MOV10L1: variants seen among roughly 807,000 people sequenced by gnomAD.
MOV10L1 encodes RNA helicase Mov10l1.
A neutral mutation model predicts 143.8 loss-of-function variants in MOV10L1; 110 were observed. The observed-to-expected ratio is 0.76, with a 90% CI of 0.66 to 0.90. The LOEUF (loss-of-function observed/expected upper bound fraction) is 0.90. Among genes scored for constraint, MOV10L1 ranks in the 40% least tolerant of loss-of-function variants. The pLI is 0.00. For missense variants in MOV10L1, 1,406 were observed against 1,526.8 expected (o/e 0.92, Z 1.32); for synonymous variants, 593 against 581.1 (o/e 1.02, Z -0.29).
Position 50,131,174 on chromosome 22 carries a change from C to T in MOV10L1, c.1910+2667C>T, listed in dbSNP as rs563771125. The stretch of plus-strand genomic sequence containing the variant: ...CTGCCCACCTTGGCCTCCCAAAGTG[C>T]TGGGATTACAGGTGTGGGCCACCAC... On this transcript the variant is annotated intron_variant, in intron 13 of 26. Transcript: ENST00000262794. 5.5e-4 allele frequency among the ~76,000 whole-genome samples: 83 copies of T among 151,748 alleles called. 1 individual carries two copies. The highest frequency in any genetic ancestry group is 2.0e-3 in the African/African-American group (83 of 41,352).
rs79303359 is a variant in MOV10L1 at position 50,157,190 on chromosome 22, G to T, written c.3067-867G>T. 2.6e-3 allele frequency among the ~76,000 whole-genome samples: 393 copies of T among 152,158 alleles called. 3 individuals carry two copies. Among genetic ancestry groups the T allele is most frequent in the African/African-American group, 9.3e-3 (386 of 41,476 alleles). ...CAGGTCCTTTGCCCATATTTAATTG[G>T]GTCGCTTTTTGTCAGTGAATTTAAG... On this transcript the variant is annotated intron_variant, in intron 22 of 26. Transcript: ENST00000262794.
In MOV10L1 at chr22:50,159,703, G is replaced by A. The variant is rs139398528; in HGVS notation, c.3242G>A (p.Arg1081His). The change falls in exon 24 of 27, where the codon CGT becomes CAT. Residue 1081 changes from arginine (R) to histidine (H), a missense_variant. Coordinates refer to ENST00000262794, the MANE Select transcript of MOV10L1 (RefSeq NM_018995.3). The surrounding 1 kb of genome is among the most constrained non-coding windows in gnomAD (Gnocchi z 4.1). The part of the protein sequence containing the change: ...KQVEKIRILL[R>H]NVDLMDIKVG... ...GTGGAGAAAATCAGAATTCTTTTGCGTAATGTTGATCTGATGGATATAAAG... is the reference window on the plus strand; with the variant it reads ...GTGGAGAAAATCAGAATTCTTTTGCATAATGTTGATCTGATGGATATAAAG... 1.1e-3 allele frequency: 1,790 copies of A among 1,611,926 alleles called. 3 individuals are homozygous for A. Among genetic ancestry groups the A allele is most frequent in the Non-Finnish European group, 1.4e-3 (1,653 of 1,178,428 alleles).
At chr22:50,131,013 C>T (rs540410743) in intron 13 of MOV10L1, among the ~76,000 whole-genome samples, 4 of 152,178 alleles carry the variant, frequency 2.6e-5, no homozygotes, top group Admixed American at 2.6e-4. Flanking sequence ...TCTCCTGCCT[C>T]AGTCTCCCGA....
At chr22:50,130,887 T>C (rs1469890833) in intron 13 of MOV10L1, among the ~76,000 whole-genome samples, 1 of 152,160 alleles carries the variant, frequency 6.6e-6, no homozygotes, top group African/African-American at 2.4e-5. Flanking sequence ...CTAATGATGC[T>C]GAACATCTTT....
At position 50,115,217 on chromosome 22, in the gene MOV10L1, A is replaced by T; in HGVS notation, c.1230A>T (p.Lys410Asn). ...EPGGLVPPGG[K>N]TFIVVICDGK... Reference sequence around the variant, plus strand: ...GGGGGCTTGTCCCTCCAGGGGGAAAAACCTTCATTGTGGTCATCTGTGACG... The same window carrying T: ...GGGGGCTTGTCCCTCCAGGGGGAAATACCTTCATTGTGGTCATCTGTGACG... Residue 410 changes from lysine to asparagine, a missense_variant, in exon 8 of 27, where the codon AAA (lysine) becomes AAT (asparagine). Lys to Asn is a moderately conservative substitution (Grantham distance 94). Coordinates refer to ENST00000262794, the MANE Select transcript of MOV10L1 (RefSeq NM_018995.3). 2 of 1,540,588 alleles carry T rather than the reference A, an allele frequency of 1.3e-6. No homozygotes were observed. Among genetic ancestry groups the T allele is most frequent in the Non-Finnish European group, 1.7e-6 (2 of 1,154,238 alleles).
chr22:50,104,800 A>G (rs1217944340), intron 3 of MOV10L1, among the ~76,000 whole-genome samples: 1 of 151,312 alleles, frequency 6.6e-6, no homozygotes, highest in Non-Finnish European at 1.5e-5. Context: ...TACTCTTATT[A>G]TTTCTATAAT....
chr22:50,114,006 C>T (rs1330101381), intron 6 of MOV10L1, among the ~76,000 whole-genome samples: 6 of 150,896 alleles, frequency 4.0e-5, no homozygotes, highest in Non-Finnish European at 8.9e-5. Flanking sequence ...GCAAGCTCCG[C>T]CTCCCGGGTT....
At chr22:50,107,435 T>C (rs898133392) in intron 3 of MOV10L1, among the ~76,000 whole-genome samples, 1 of 152,242 alleles carries the variant, frequency 6.6e-6, no homozygotes, top group Non-Finnish European at 1.5e-5. Context: ...ATTTGTGCTG[T>C]TACGTGTTCA....
intron 15 of MOV10L1, among the ~76,000 whole-genome samples, chr22:50,140,014 C>T (rs2062935434): frequency 6.6e-6 from 1 of 152,152 alleles, no homozygotes; most frequent in South Asian, 2.1e-4. Flanking sequence ...CATAAGGCCA[C>T]GTGAGGACCC....
chr22:50,098,077 T>C (rs2062635084), intron 2 of MOV10L1, among the ~76,000 whole-genome samples: 1 of 152,106 alleles, frequency 6.6e-6, no homozygotes, highest in Non-Finnish European at 1.5e-5. Context: ...CCTCAAGTGA[T>C]CCACCTGCCT....
chr22:50,115,003 T>C (rs2062131953), intron 7 of MOV10L1, 111 bp from the exon 8 acceptor site: 1 of 1,219,216 alleles, frequency 8.2e-7, no homozygotes, highest in East Asian at 2.4e-5. Context: ...TGTTTTTGTG[T>C]GCATCTGTCT....
At chr22:50,108,969 ACT>A (rs984762291) in intron 5 of MOV10L1, 125 bp downstream of exon 5, 2 of 834,774 alleles carry the variant, frequency 2.4e-6, no homozygotes, top group East Asian at 2.7e-5. Context: ...ACGTGGTGAA[ACT>A]CTGTCTCTAC....
intron 24 of MOV10L1, among the ~76,000 whole-genome samples, chr22:50,160,020 G>GGT (rs2063515098): frequency 6.6e-6 from 1 of 152,126 alleles, no homozygotes; most frequent in African/African-American, 2.4e-5. Flanking sequence ...AGGAAGACAT[G>GGT]GTGAATGCCT....
intron 3 of MOV10L1, among the ~76,000 whole-genome samples, chr22:50,105,579 A>C (rs1180966982): frequency 6.6e-6 from 1 of 152,220 alleles, no homozygotes; most frequent in African/African-American, 2.4e-5. Flanking sequence ...AATTTGCAAA[A>C]GTTATCAAAA....
At chr22:50,138,980 G>T (rs1262534817) in intron 15 of MOV10L1, among the ~76,000 whole-genome samples, 2 of 151,698 alleles carry the variant, frequency 1.3e-5, no homozygotes, top group East Asian at 3.9e-4. Context: ...GGGATTACAG[G>T]CGTGAGCCAC....
intron 2 of MOV10L1, chr22:50,096,306 G>A (rs1216706497): frequency 1.3e-5 from 2 of 152,246 alleles, no homozygotes; most frequent in Non-Finnish European, 2.9e-5. Context: ...ATTTGCCCAT[G>A]TAGCATGTAT....
chr22:50,159,969 A>G lies in MOV10L1; in HGVS notation c.3324+184A>G, dbSNP rs1044224080. On this transcript the variant is annotated intron_variant, in intron 24 of 26. Transcript: ENST00000262794. This position sits in a 1 kb window ranked among gnomAD's most constrained non-coding sequence, Gnocchi z 4.1. Reference sequence around the variant, plus strand: ...CTGTGGGAAGGTCTTTTAAAACAATACTCAAAGACTAAGACACAGGAGAGT... The same window carrying G: ...CTGTGGGAAGGTCTTTTAAAACAATGCTCAAAGACTAAGACACAGGAGAGT... 1.3e-5 allele frequency among the ~76,000 whole-genome samples: 2 copies of G among 152,098 alleles called. No individual in the cohort carries two copies. The highest frequency in any genetic ancestry group is 1.9e-4 in the East Asian group (1 of 5,184).
In MOV10L1 at chr22:50,158,819, A is replaced by T. The variant is rs2063489138; in HGVS notation, c.3216+613A>T. On this transcript the variant is annotated intron_variant, in intron 23 of 26. Transcript: ENST00000262794. The surrounding 1 kb of genome is among the most constrained non-coding windows in gnomAD (Gnocchi z 5.0). ...GTGAGTCCCCTAGGCCATCACAGTAACAGATCACCTGTACCGCGCGTGTGC... is the reference window on the plus strand; with the variant it reads ...GTGAGTCCCCTAGGCCATCACAGTATCAGATCACCTGTACCGCGCGTGTGC... 6.6e-6 allele frequency: 1 copy of T among 152,558 alleles called. No homozygotes were observed. The highest frequency in any genetic ancestry group is 2.4e-5 in the African/African-American group (1 of 41,432). The allele number at this position is 152,558 out of a possible 1,614,324, so 9.5% of individuals were successfully genotyped here.
chr22:50,099,919 C>T (rs1365275744), intron 3 of MOV10L1, among the ~76,000 whole-genome samples: 1 of 152,186 alleles, frequency 6.6e-6, no homozygotes, highest in Admixed American at 6.5e-5. Flanking sequence ...GCTGGCTTCA[C>T]ACAGAGGCTC....
Sources: gnomAD v4.1 joint callset for allele counts (sites outside exome capture counted in the v4.1 genomes callset) on GRCh38, gnomAD v4.1.1 for gene constraint, Gnocchi (gnomAD v3.1) non-coding constraint, MANE v1.5 for transcripts, NCBI Gene and HGNC (gene_info 2026-07-23, HGNC 2026-07-21) for gene names.